LRMDA: variants seen among roughly 807,000 people sequenced by gnomAD.
LRMDA encodes leucine rich melanocyte differentiation associated, also known as leucine-rich melanocyte differentiation-associated protein.
In LRMDA, 18 loss-of-function variants were observed where a neutral mutation model predicts 29.8. The ratio of observed to expected loss-of-function variants is 0.60; its 90% CI spans 0.42 to 0.90. The LOEUF is 0.90. LRMDA is among the 40% of genes least tolerant of loss of function. The probability of loss-of-function intolerance (pLI) is 0.00; values close to 1 mark genes in which losing one functional copy is unlikely to be tolerated. For synonymous variants in LRMDA, 125 were observed against 109.4 expected (o/e 1.14, Z -0.89); for missense variants, 273 against 273.9 (o/e 1.00, Z 0.02).
At chr10:76,374,046 A>T (rs1177222723) in intron 6 of LRMDA, among the ~76,000 whole-genome samples, 1 of 152,246 alleles carries the variant, frequency 6.6e-6, no homozygotes, top group East Asian at 1.9e-4. Flanking sequence ...GGTACAGCAT[A>T]GATTATCTAT....
At chr10:76,251,547 C>T (rs185826622) in intron 5 of LRMDA, among the ~76,000 whole-genome samples, 22 of 151,730 alleles carry the variant, frequency 1.4e-4, no homozygotes, top group African/African-American at 5.1e-4. Flanking sequence ...CCACCGCGCC[C>T]GGCCCTCCCG....
chr10:76,011,815 G>A (rs2132480654), intron 2 of LRMDA, among the ~76,000 whole-genome samples: 1 of 152,288 alleles, frequency 6.6e-6, no homozygotes, highest in African/African-American at 2.4e-5. Context: ...GCAAAACATG[G>A]GGCCAAGTTC....
At chr10:75,482,481 A>C (rs1411786922) in intron 2 of LRMDA, among the ~76,000 whole-genome samples, 2 of 152,196 alleles carry the variant, frequency 1.3e-5, no homozygotes. Context: ...TAGCCACTAT[A>C]GTTGCAGTTT....
chr10:76,242,039 A>G (rs902260201), intron 5 of LRMDA: 10 of 152,106 alleles, frequency 6.6e-5, no homozygotes, highest in Admixed American at 5.9e-4. Context: ...GAGTATTGTT[A>G]TGTTGCCCAG....
At chr10:76,556,102 G>A (rs188809236) in intron 6 of LRMDA, among the ~76,000 whole-genome samples, 4 of 152,250 alleles carry the variant, frequency 2.6e-5, no homozygotes, top group Admixed American at 2.6e-4. Context: ...GATTTCTTAT[G>A]GGCATTTAGA....
chr10:75,787,053 C>G (rs1843483074), intron 2 of LRMDA, among the ~76,000 whole-genome samples: 1 of 152,208 alleles, frequency 6.6e-6, no homozygotes, highest in African/African-American at 2.4e-5. Flanking sequence ...TGTGCTGTCG[C>G]CAAGGACTTA....
intron 2 of LRMDA, among the ~76,000 whole-genome samples, chr10:75,840,672 A>T (rs142705841): frequency 3.3e-5 from 5 of 152,378 alleles, no homozygotes; most frequent in African/African-American, 1.2e-4. Flanking sequence ...TGAAACTCTC[A>T]TATAGAGCTT....
chr10:75,784,659 C>A (rs191348583), intron 2 of LRMDA, among the ~76,000 whole-genome samples: 20 of 149,560 alleles, frequency 1.3e-4, no homozygotes, highest in African/African-American at 4.7e-4. Flanking sequence ...GCAGAGATTG[C>A]GCCACTGCAC....
chr10:76,106,962 A>G (rs889014632), intron 5 of LRMDA, among the ~76,000 whole-genome samples: 18 of 152,200 alleles, frequency 1.2e-4, no homozygotes, highest in Admixed American at 7.9e-4. Flanking sequence ...CGCCTCCATC[A>G]TTCTAAAATA....
intron 2 of LRMDA, among the ~76,000 whole-genome samples, chr10:75,805,304 C>T (rs1012303673): frequency 3.9e-5 from 6 of 152,182 alleles, no homozygotes; most frequent in Non-Finnish European, 7.3e-5. Flanking sequence ...TGAAGGAATT[C>T]AAAGGCCAAG....
chr10:75,787,932 G>A (rs931304292), intron 2 of LRMDA, among the ~76,000 whole-genome samples: 1 of 152,222 alleles, frequency 6.6e-6, no homozygotes, highest in Non-Finnish European at 1.5e-5. Flanking sequence ...GGGAGGCTGA[G>A]GCAGGAGAAT....
At chr10:76,495,589 C>T (rs1323815721) in intron 6 of LRMDA, among the ~76,000 whole-genome samples, 1 of 151,812 alleles carries the variant, frequency 6.6e-6, no homozygotes, top group Non-Finnish European at 1.5e-5. Flanking sequence ...TTTTATTCAA[C>T]AATTCCACAG....
chr10:75,612,281 C>G (rs9415121), intron 2 of LRMDA, among the ~76,000 whole-genome samples: 1 of 152,132 alleles, frequency 6.6e-6, no homozygotes, highest in Non-Finnish European at 1.5e-5. Context: ...CTGAACCGTG[C>G]TGGGCCCTTT....
intron 2 of LRMDA, among the ~76,000 whole-genome samples, chr10:76,012,167 G>A (rs564030681): frequency 2.6e-5 from 4 of 152,290 alleles, no homozygotes; most frequent in African/African-American, 9.6e-5. Flanking sequence ...TCAACATTGG[G>A]CTTCTGTTTA....
At chr10:76,463,787 G>A (rs529148716) in intron 6 of LRMDA, among the ~76,000 whole-genome samples, 5 of 152,184 alleles carry the variant, frequency 3.3e-5, no homozygotes, top group East Asian at 3.9e-4. Flanking sequence ...GAGTTTGTCC[G>A]CTTGTGTATT....
chr10:75,696,119 T>C (rs189385783), intron 2 of LRMDA, among the ~76,000 whole-genome samples: 11 of 152,290 alleles, frequency 7.2e-5, no homozygotes, highest in African/African-American at 2.6e-4. Flanking sequence ...ACAATAACAA[T>C]GATAATTTTA....
intron 5 of LRMDA, among the ~76,000 whole-genome samples, chr10:76,160,542 G>T (rs1004059554): frequency 2.6e-5 from 4 of 152,096 alleles, no homozygotes; most frequent in African/African-American, 9.7e-5. Context: ...GGGAATAGAT[G>T]TGAGTAGATA....
At chr10:76,146,844 T>C (rs1850332697) in intron 5 of LRMDA, among the ~76,000 whole-genome samples, 1 of 152,228 alleles carries the variant, frequency 6.6e-6, no homozygotes, top group South Asian at 2.1e-4. Flanking sequence ...TTTCCATGTT[T>C]AGTGCTTCCT....
At chr10:76,352,099 A>G (rs1841183992) in intron 6 of LRMDA, among the ~76,000 whole-genome samples, 1 of 152,162 alleles carries the variant, frequency 6.6e-6, no homozygotes, top group South Asian at 2.1e-4. Flanking sequence ...TGTGAGGATT[A>G]TGTAAGTTGC....
Sources: gnomAD v4.1 joint callset for allele counts (sites outside exome capture counted in the v4.1 genomes callset) on GRCh38, gnomAD v4.1.1 for gene constraint, MANE v1.5 for transcripts, NCBI Gene and HGNC (gene_info 2026-07-23, HGNC 2026-07-21) for gene names.